The following PPP1R10 variants were observed in gnomAD, a reference collection of about 807,000 sequenced individuals.
PPP1R10 encodes protein phosphatase 1 regulatory subunit 10, also known as serine/threonine-protein phosphatase 1 regulatory subunit 10.
A neutral mutation model predicts 99.0 loss-of-function variants in PPP1R10; 15 were observed. The observed-to-expected ratio is 0.15, with a 90% CI of 0.10 to 0.23. The LOEUF (loss-of-function observed/expected upper bound fraction) is 0.23. Ranked by LOEUF, PPP1R10 falls within the 10% of genes least tolerant of loss-of-function variation. PPP1R10 has a pLI of 1.00. For missense variants in PPP1R10, 947 were observed against 1,259.4 expected (o/e 0.75, Z 3.75); for synonymous variants, 430 against 449.5 (o/e 0.96, Z 0.55).
In PPP1R10 at chr6:30,602,530, G is replaced by C. The variant is rs1803460303; in HGVS notation, c.2119C>G (p.Arg707Gly). 1.3e-6 allele frequency: 2 copies of C among 1,571,740 alleles called. No individual in the cohort carries two copies. The highest frequency in any genetic ancestry group is 1.8e-5 in the Admixed American group (1 of 54,362). Residue 707 changes from arginine to glycine, a missense_variant, in exon 19 of 20, where the codon CGA becomes GGA. By Grantham distance (125) the Arg-to-Gly change is moderately radical. Coordinates refer to ENST00000376511, the MANE Select transcript of PPP1R10 (RefSeq NM_002714.4). This position sits in a 1 kb window ranked among gnomAD's most constrained non-coding sequence, Gnocchi z 6.7. ...GGTTCGTTTCCTCCTCGGCCACCTC[G>C]GCCTCTATGGTATGGTCCAGGACCT... ...GPGPGPYHRG[R>G]GGRGGNEPPP... is the part of the protein sequence containing the mutation.
Position 30,606,392 on chromosome 6 carries a change from C to A in PPP1R10, c.634+76G>T. The A allele has an allele frequency of 1.3e-6, 2 of 1,584,640 alleles. No individual in the cohort carries two copies. The highest frequency in any genetic ancestry group is 2.3e-5 in the South Asian group (2 of 88,754). On this transcript the variant is annotated intron_variant, in intron 8 of 19. Coordinates refer to ENST00000376511, the MANE Select transcript of PPP1R10 (RefSeq NM_002714.4). This position sits in a 1 kb window ranked among gnomAD's most constrained non-coding sequence, Gnocchi z 6.3. Reference sequence around the variant, plus strand: ...TCTTCCTTACGATTAACATACCACACATCAAATGATTCCCCCATAAGGCTC... The same window carrying A: ...TCTTCCTTACGATTAACATACCACAAATCAAATGATTCCCCCATAAGGCTC...
Position 30,606,318 on chromosome 6 carries a change from CA to C in PPP1R10, c.635-76del. ...CGAATTTTCCTCCCGTTCTCACCCG[CA>C]AATGTTCTTCTAGCCTTGTAACCAA... On this transcript the variant is annotated intron_variant, in intron 8 of 19. Transcript: ENST00000376511. The surrounding 1 kb of genome is among the most constrained non-coding windows in gnomAD (Gnocchi z 6.3). 6.3e-7 allele frequency: 1 copy of C among 1,579,398 alleles called. No homozygotes were observed. The highest frequency in any genetic ancestry group is 8.7e-7 in the Non-Finnish European group (1 of 1,155,404).
At position 30,609,888 on chromosome 6, in the gene PPP1R10, A is replaced by G. The variant is rs200405189; in HGVS notation, c.57T>C (p.Leu19=). ...KELLKGLDSF[L]NRDGEVKSVD... ...CACTTTTGACTTCCCCATCTCGGTT[A>G]AGGAAGCTGTCCAGGCCCTTGAGAA... Residue 19 remains leucine, a synonymous_variant, in exon 3 of 20, where the codon CTT becomes CTC. Coordinates refer to ENST00000376511, the MANE Select transcript of PPP1R10 (RefSeq NM_002714.4). This position sits in a 1 kb window ranked among gnomAD's most constrained non-coding sequence, Gnocchi z 4.5. 6.2e-7 allele frequency: 1 copy of G among 1,614,044 alleles called. No homozygotes were observed. Among genetic ancestry groups the G allele is most frequent in the Non-Finnish European group, 8.5e-7 (1 of 1,180,036 alleles).
chr6:30,601,736 A>T (rs1803337760), intron 19 of PPP1R10, 78 bp from the exon 20 acceptor site: 2 of 1,416,936 alleles, frequency 1.4e-6, no homozygotes, highest in Non-Finnish European at 2.0e-6. Context: ...TGTCCATGAC[A>T]TCCTGAGAAC....
At chr6:30,603,177 C>T (rs369513046) in intron 17 of PPP1R10, 33 bp downstream of exon 17, 160 of 1,585,192 alleles carry the variant, frequency 1.0e-4, no homozygotes, top group Middle Eastern at 1.7e-4. Flanking sequence ...AGGCTTCCTC[C>T]CCCAGTCCCC....
Position 30,604,678 on chromosome 6 carries a change from G to C in PPP1R10, c.1012C>G (p.Pro338Ala). ...TEPSTAKPSS[P>A]EPAPPSEAMD... is the part of the protein sequence containing the mutation. ...GCCTCAGAAGGTGGTGCTGGTTCTG[G>C]GGAAGAAGGTTTGGCTGTGCTTGGT... Residue 338 changes from proline (P) to alanine (A), a missense_variant, in exon 12 of 20, where the codon CCA (proline) becomes GCA (alanine). Transcript: ENST00000376511. The surrounding 1 kb of genome is among the most constrained non-coding windows in gnomAD (Gnocchi z 7.3). The C allele has an allele frequency of 6.2e-7, 1 of 1,613,118 alleles. No homozygotes were observed. Among genetic ancestry groups the C allele is most frequent in the Non-Finnish European group, 8.5e-7 (1 of 1,180,038 alleles).
chr6:30,603,378 G>A, intron 16 of PPP1R10, 93 bp from the exon 17 acceptor site: 1 of 1,576,764 alleles, frequency 6.3e-7, no homozygotes, highest in Admixed American at 1.7e-5. Flanking sequence ...GTGGGTAGAT[G>A]TGGAGAACTG....
chr6:30,604,586 A>G lies in PPP1R10; in HGVS notation c.1102+2T>C. Reference sequence around the variant, plus strand: ...CCCAAACTGAACCAGTTTCTAGATTACCTGTATCCATGAGCTCCGGGACTT... The same window carrying G: ...CCCAAACTGAACCAGTTTCTAGATTGCCTGTATCCATGAGCTCCGGGACTT... On this transcript the variant is annotated splice_donor_variant, in intron 12 of 19. Transcript: ENST00000376511. LOFTEE classifies it high-confidence loss of function. The surrounding 1 kb of genome is among the most constrained non-coding windows in gnomAD (Gnocchi z 7.3). The G allele has an allele frequency of 1.2e-6, 2 of 1,612,986 alleles. No individual in the cohort carries two copies. Among genetic ancestry groups the G allele is most frequent in the Non-Finnish European group, 1.7e-6 (2 of 1,180,018 alleles).
intron 2 of PPP1R10, among the ~76,000 whole-genome samples, chr6:30,611,538 C>T (rs2252745): frequency 0.74 from 112,634 of 152,092 alleles, 42,147 homozygotes; most frequent in South Asian, 0.88. Context: ...TCTTGTAAGA[C>T]AATGCAAATT....
At chr6:30,616,318 C>T (rs537991104) in intron 2 of PPP1R10, among the ~76,000 whole-genome samples, 160 bp downstream of exon 2, 1 of 152,134 alleles carries the variant, frequency 6.6e-6, no homozygotes, top group South Asian at 2.1e-4. Flanking sequence ...CTGTTTAGAC[C>T]CACAGGCCCT....
At position 30,602,759 on chromosome 6, in the gene PPP1R10, C is replaced by T; in HGVS notation, c.1958-68G>A. 1.3e-6 allele frequency: 2 copies of T among 1,564,350 alleles called. No individual in the cohort carries two copies. Among genetic ancestry groups the T allele is most frequent in the Non-Finnish European group, 1.7e-6 (2 of 1,150,786 alleles). On this transcript the variant is annotated intron_variant, in intron 18 of 19. Coordinates refer to ENST00000376511, the MANE Select transcript of PPP1R10 (RefSeq NM_002714.4). The surrounding 1 kb of genome is among the most constrained non-coding windows in gnomAD (Gnocchi z 6.7). ...ACTGCCATCTCCCAACCTAAACCAC[C>T]ACCTCCCACCTTCCAGTCAATCCTA... is the stretch of plus-strand genomic sequence containing the variant.
intron 2 of PPP1R10, among the ~76,000 whole-genome samples, chr6:30,616,039 T>C (rs1352301634): frequency 1.3e-5 from 2 of 152,244 alleles, no homozygotes; most frequent in African/African-American, 4.8e-5. Context: ...GGCACCCTGC[T>C]TGTCTCACAC....
chr6:30,604,824 A>G lies in PPP1R10; in HGVS notation c.955-89T>C. On this transcript the variant is annotated intron_variant, in intron 11 of 19. Coordinates refer to ENST00000376511, the MANE Select transcript of PPP1R10 (RefSeq NM_002714.4). The surrounding 1 kb of genome is among the most constrained non-coding windows in gnomAD (Gnocchi z 7.3). The stretch of plus-strand genomic sequence containing the variant: ...AGGGTCCCAGGCACAGTCCCCCAAC[A>G]GTTCCTATATAAAGGAAGACTCTGT... 6.4e-7 allele frequency: 1 copy of G among 1,573,426 alleles called. No homozygotes were observed. The highest frequency in any genetic ancestry group is 8.7e-7 in the Non-Finnish European group (1 of 1,144,940).
intron 2 of PPP1R10, among the ~76,000 whole-genome samples, chr6:30,612,960 GTCT>G (rs1236199667): frequency 1.3e-5 from 2 of 152,140 alleles, no homozygotes; most frequent in Admixed American, 6.5e-5. Context: ...GCATGATTAT[GTCT>G]TCTTTTAATG....
chr6:30,601,896 G>A lies in PPP1R10; in HGVS notation c.2713+40C>T, dbSNP rs777997312. On this transcript the variant is annotated intron_variant, in intron 19 of 19. Coordinates refer to ENST00000376511, the MANE Select transcript of PPP1R10 (RefSeq NM_002714.4). ...ACCCACTCCCCAAAAGCTTGTATGG[G>A]ACAACCAAAAGGCATATGGGGGACA... The A allele has an allele frequency of 2.7e-6, 4 of 1,470,042 alleles. No homozygotes were observed. In the Admixed American group the frequency reaches 7.9e-5, roughly 29 times the overall value. The allele number at this position is 1,470,042 out of a possible 1,614,324, so 91.1% of individuals were successfully genotyped here.
chr6:30,605,113 C>T lies in PPP1R10; in HGVS notation c.854-19G>A, dbSNP rs750232044. 1.3e-5 allele frequency: 21 copies of T among 1,605,248 alleles called. 1 individual carries two copies. Among genetic ancestry groups the T allele is most frequent in the South Asian group, 1.1e-4 (10 of 90,796 alleles). ...TCCATAGCTACAAAAAGAAAGAGCA[C>T]CAAATGGCATCATCAGACCTCCTTC... On this transcript the variant is annotated intron_variant, in intron 10 of 19. Coordinates refer to ENST00000376511, the MANE Select transcript of PPP1R10 (RefSeq NM_002714.4).
At position 30,609,774 on chromosome 6, in the gene PPP1R10, C is replaced by T; in HGVS notation, c.107+64G>A. The stretch of plus-strand genomic sequence containing the variant: ...GGATCATTCCAGTGTGCCTCAACTG[C>T]AGCCATGTTTTAACACACAATATTC... On this transcript the variant is annotated intron_variant, in intron 3 of 19. Coordinates refer to ENST00000376511, the MANE Select transcript of PPP1R10 (RefSeq NM_002714.4). This position sits in a 1 kb window ranked among gnomAD's most constrained non-coding sequence, Gnocchi z 4.5. 7.2e-7 allele frequency: 1 copy of T among 1,398,544 alleles called. No homozygotes were observed. Among genetic ancestry groups the T allele is most frequent in the Non-Finnish European group, 1.0e-6 (1 of 984,044 alleles). The allele number at this position is 1,398,544 out of a possible 1,614,324, so 86.6% of individuals were successfully genotyped here.
At chr6:30,615,179 C>G (rs1760333615) in intron 2 of PPP1R10, among the ~76,000 whole-genome samples, 1 of 151,334 alleles carries the variant, frequency 6.6e-6, no homozygotes, top group Non-Finnish European at 1.5e-5. Context: ...AACTAAAAAG[C>G]CACCCGGCTC....
intron 17 of PPP1R10, 97 bp from the exon 18 acceptor site, chr6:30,603,056 T>C: frequency 1.5e-6 from 2 of 1,369,550 alleles, no homozygotes; most frequent in Non-Finnish European, 2.0e-6. Flanking sequence ...CAAACCAACC[T>C]GGCAGAGCAA....
Sources: allele counts gnomAD v4.1 joint callset (sites outside exome capture counted in the v4.1 genomes callset), GRCh38; gene constraint gnomAD v4.1.1; non-coding constraint Gnocchi (gnomAD v3.1); transcripts MANE v1.5; gene names NCBI Gene and HGNC (gene_info 2026-07-23, HGNC 2026-07-21).